BOK: variants seen among roughly 807,000 people sequenced by gnomAD.
The protein encoded by BOK is BCL2 family apoptosis regulator BOK.
Under a neutral mutation model 18.3 loss-of-function variants are expected in BOK, and 20 were observed. The ratio of observed to expected loss-of-function variants is 1.09; its 90% confidence interval spans 0.77 to 1.59. BOK has a LOEUF of 1.59. Among genes scored for constraint, BOK ranks in the 40% most tolerant of loss-of-function variants. BOK has a pLI of 0.00. For missense variants in BOK, 348 were observed against 307.9 expected, an observed-to-expected ratio of 1.13 and a Z score of -0.97; for synonymous variants, 173 against 142.4, an observed-to-expected ratio of 1.21 and a Z score of -1.53.
chr2:241,569,315 A>G (rs922702856), intron 3 of BOK, among the ~76,000 whole-genome samples: 1 of 104,732 alleles, frequency 9.5e-6, no homozygotes, highest in Admixed American at 9.4e-5. Flanking sequence ...GTGTATTTTT[A>G]GTAGAGACGG....
intron 1 of BOK, 58 bp from the exon 2 acceptor site, chr2:241,559,397 C>A: frequency 8.7e-7 from 1 of 1,146,088 alleles, no homozygotes; most frequent in Non-Finnish European, 1.1e-6. Context: ...CCCGGCGCCC[C>A]GCGCGCCCCG....
At chr2:241,557,454 C>G (rs185124605), upstream of BOK, among the ~76,000 whole-genome samples, 23 of 152,010 alleles carry the variant, frequency 1.5e-4, no homozygotes, top group East Asian at 4.4e-3. Context: ...GGATTACAGA[C>G]ACCTGCCACC....
chr2:241,555,293 C>T (rs933302747), upstream of BOK, among the ~76,000 whole-genome samples: 6 of 151,994 alleles, frequency 3.9e-5, no homozygotes, highest in Admixed American at 1.3e-4. Context: ...CTCAAGCAAT[C>T]CTCTTGCTTC....
chr2:241,566,239 G>A (rs2066609531), intron 3 of BOK, among the ~76,000 whole-genome samples: 1 of 151,928 alleles, frequency 6.6e-6, no homozygotes, highest in South Asian at 2.1e-4. Flanking sequence ...AGCCGAGATT[G>A]TGCCACTGCT....
At chr2:241,555,296 C>T (rs1406668628), upstream of BOK, among the ~76,000 whole-genome samples, 1 of 152,074 alleles carries the variant, frequency 6.6e-6, no homozygotes, top group Non-Finnish European at 1.5e-5. Flanking sequence ...AAGCAATCCT[C>T]TTGCTTCAGT....
At chr2:241,556,360 A>G (rs1363562013), upstream of BOK, among the ~76,000 whole-genome samples, 1 of 152,194 alleles carries the variant, frequency 6.6e-6, no homozygotes, top group Non-Finnish European at 1.5e-5. Context: ...CAAGGCAGGT[A>G]GATCACGAGG....
At chr2:241,558,215 T>G (rs1013253231), upstream of BOK, among the ~76,000 whole-genome samples, 3 of 152,072 alleles carry the variant, frequency 2.0e-5, no homozygotes, top group African/African-American at 7.2e-5. Context: ...TACCACACCA[T>G]TCACAATAAT....
intron 3 of BOK, among the ~76,000 whole-genome samples, chr2:241,568,667 C>G (rs1394453330): frequency 2.0e-5 from 3 of 152,238 alleles, no homozygotes; most frequent in Non-Finnish European, 4.4e-5. Flanking sequence ...ATCTGCCCAC[C>G]TCGGCCTTCC....
rs200833733 is a variant in BOK at position 241,562,312 on chromosome 2, G to A, written c.221-36G>A. The A allele has an allele frequency of 4.2e-5, 65 of 1,557,806 alleles. No homozygotes were observed. The highest frequency in any genetic ancestry group is 3.9e-4 in the East Asian group (17 of 44,100). ...CAGTCGTGTCCCAGGAAGCTGGGACGTGGGCTGCCTCTCACCTGCTCTTGT... is the reference window on the plus strand; with the variant it reads ...CAGTCGTGTCCCAGGAAGCTGGGACATGGGCTGCCTCTCACCTGCTCTTGT... On this transcript the variant is annotated intron_variant, in intron 2 of 4. Coordinates refer to ENST00000318407, the MANE Select transcript of BOK (RefSeq NM_032515.5). The surrounding 1 kb of genome is among the most constrained non-coding windows in gnomAD (Gnocchi z 4.5).
chr2:241,554,392 G>A (rs985337683), upstream of BOK, among the ~76,000 whole-genome samples: 14 of 152,170 alleles, frequency 9.2e-5, no homozygotes, highest in Admixed American at 5.9e-4. Flanking sequence ...ACCCCTCTGC[G>A]CCCCACTCTG....
chr2:241,572,162 C>G (rs2066734393), intron 4 of BOK, 135 bp from the exon 5 acceptor site: 6 of 1,374,626 alleles, frequency 4.4e-6, no homozygotes, highest in Non-Finnish European at 5.9e-6. Context: ...CACAGACCTC[C>G]TTCCCGAACA....
chr2:241,567,728 C>T (rs539837820), intron 3 of BOK, among the ~76,000 whole-genome samples: 1 of 135,172 alleles, frequency 7.4e-6, no homozygotes, highest in Non-Finnish European at 1.6e-5. Flanking sequence ...CACAGCAACA[C>T]GAGAGCTTTA....
chr2:241,561,724 C>A (rs1353385312), intron 2 of BOK, among the ~76,000 whole-genome samples: 157 of 118,104 alleles, frequency 1.3e-3, no homozygotes, highest in African/African-American at 1.6e-3. Flanking sequence ...CGTGGCAGTG[C>A]GGGTGGCCCA....
chr2:241,565,018 C>T (rs1448739749), intron 3 of BOK, among the ~76,000 whole-genome samples: 1 of 152,086 alleles, frequency 6.6e-6, no homozygotes, highest in Non-Finnish European at 1.5e-5. Context: ...GGGAGGGCAC[C>T]TGGGGGCCAG....
At chr2:241,554,096 C>T (rs4675801), upstream of BOK, among the ~76,000 whole-genome samples, 76,629 of 152,040 alleles carry the variant, frequency 0.5, 19,575 homozygotes, top group Admixed American at 0.6. Context: ...CATTTGTCAC[C>T]GTGGGAGGGA....
At chr2:241,556,884 G>T (rs2066456104), upstream of BOK, among the ~76,000 whole-genome samples, 1 of 152,126 alleles carries the variant, frequency 6.6e-6, no homozygotes, top group Non-Finnish European at 1.5e-5. Context: ...TTCTTTGTGG[G>T]AAGATTTTAA....
At position 241,571,030 on chromosome 2, in the gene BOK, G is replaced by C. The variant is rs762195060; in HGVS notation, c.513+742G>C. ...GAGAGCTGGGGTGCGAGGGTGCAGA[G>C]GTACGGGAGGGAGTGGCGGATGGGT... On this transcript the variant is annotated intron_variant, in intron 4 of 4. Transcript: ENST00000318407. Among the ~76,000 whole-genome samples the C allele has an allele frequency of 2.7e-3, 375 of 140,594 alleles. 4 individuals are homozygous for C. Among genetic ancestry groups the C allele is most frequent in the Non-Finnish European group, 4.9e-3 (316 of 64,530 alleles). The allele number at this position is 140,594 out of a possible 152,430, so 92.2% of individuals were successfully genotyped here. A position where few individuals can be genotyped will look rare whatever the true frequency, so the allele number is the denominator to read the frequency against.
At chr2:241,553,863 C>G (rs1218869876), upstream of BOK, among the ~76,000 whole-genome samples, 1 of 152,138 alleles carries the variant, frequency 6.6e-6, no homozygotes, top group Non-Finnish European at 1.5e-5. Context: ...GGGTACCCCT[C>G]AGTGAGGGAA....
intron 3 of BOK, among the ~76,000 whole-genome samples, chr2:241,564,081 G>A (rs753847458): frequency 1.3e-5 from 2 of 152,236 alleles, no homozygotes; most frequent in African/African-American, 2.4e-5. Context: ...CCAGTGCCAC[G>A]CTTGCTCACT....
Sources: allele counts gnomAD v4.1 joint callset (sites outside exome capture counted in the v4.1 genomes callset), GRCh38; gene constraint gnomAD v4.1.1; non-coding constraint Gnocchi (gnomAD v3.1); transcripts MANE v1.5; gene names NCBI Gene and HGNC (gene_info 2026-07-23, HGNC 2026-07-21).